Variants in PDE1C observed in about 807,000 individuals in gnomAD.
The protein encoded by PDE1C is dual specificity calcium/calmodulin-dependent 3',5'-cyclic nucleotide phosphodiesterase 1C.
PDE1C carries 62 observed loss-of-function variants against 93.1 expected under a neutral mutation model. The ratio of observed to expected loss-of-function variants is 0.67; its 90% CI spans 0.54 to 0.82. The LOEUF is 0.82. Ranked by LOEUF, PDE1C falls within the 40% of genes least tolerant of loss-of-function variation. The pLI, the probability that PDE1C is intolerant of heterozygous loss-of-function variation, is 0.00. For missense variants in PDE1C, 742 were observed against 884.6 expected (o/e 0.84, Z 2.04); for synonymous variants, 325 against 310.1 (o/e 1.05, Z -0.50).
chr7:31,775,755 A>G (rs1406889476), intron 16 of PDE1C, 23 bp from the exon 17 acceptor site: 11 of 1,602,180 alleles, frequency 6.9e-6, no homozygotes, highest in Non-Finnish European at 9.4e-6. Context: ...AAAAGAGGAT[A>G]AGGAAAAGTA....
chr7:31,883,799 G>A (rs118128090), intron 2 of PDE1C, among the ~76,000 whole-genome samples: 2,503 of 152,278 alleles, frequency 0.016, 26 homozygotes, highest in Non-Finnish European at 0.024. Flanking sequence ...CACTGAAATC[G>A]GCTCCATCAG....
chr7:32,027,849 A>G (rs1455450263), intron 2 of PDE1C, among the ~76,000 whole-genome samples: 1 of 152,110 alleles, frequency 6.6e-6, no homozygotes, highest in Non-Finnish European at 1.5e-5. Flanking sequence ...CAACAAAAAA[A>G]TCTGATGTAG....
rs538552929 is a variant in PDE1C, at chr7:32,004,264, C to A, written c.128+47290G>T. On this transcript the variant is annotated intron_variant, in intron 2 of 17. Transcript: ENST00000396191. ...GCCCCCAAAAAACCTGAAAAAAAAA[C>A]CAATATAACAAATTAGACTATTTGG... Among the ~76,000 whole-genome samples the A allele has an allele frequency of 5.4e-5, 8 of 148,606 alleles. No individual in the cohort carries two copies. The East Asian group carries it at 7.8e-4, about 15-fold the overall frequency.
chr7:32,222,754 C>A (rs1457674238), intron 1 of PDE1C, among the ~76,000 whole-genome samples: 2 of 152,290 alleles, frequency 1.3e-5, no homozygotes, highest in Middle Eastern at 3.4e-3. Context: ...GAGATCTTCA[C>A]ACAGATGTGC....
At chr7:32,355,710 G>T (rs1784018012) in intron 1 of PDE1C, among the ~76,000 whole-genome samples, 1 of 152,240 alleles carries the variant, frequency 6.6e-6, no homozygotes, top group Non-Finnish European at 1.5e-5. Context: ...CACCTGCCAA[G>T]CTCCCCAGGG....
At chr7:31,638,937 C>T in the PDE1C span, among the ~76,000 whole-genome samples, 8 of 152,054 alleles carry the variant, frequency 5.3e-5, no homozygotes, top group Admixed American at 2.6e-4. Flanking sequence ...CCACCACACC[C>T]GCTAATTTTT....
At chr7:32,065,499 A>G (rs1443398984) in intron 1 of PDE1C, among the ~76,000 whole-genome samples, 1 of 152,172 alleles carries the variant, frequency 6.6e-6, no homozygotes, top group Admixed American at 6.5e-5. Context: ...TCCCCCTGGA[A>G]CTATATTCAT....
chr7:31,711,420 A>C, the PDE1C span, among the ~76,000 whole-genome samples: 1 of 152,208 alleles, frequency 6.6e-6, no homozygotes, highest in Non-Finnish European at 1.5e-5. Context: ...TACCCAGGGA[A>C]GCTGAGATGG....
intron 2 of PDE1C, among the ~76,000 whole-genome samples, chr7:32,176,824 A>G (rs1803023756): frequency 6.6e-6 from 1 of 152,180 alleles, no homozygotes; most frequent in African/African-American, 2.4e-5. Flanking sequence ...ATAAGCAGCC[A>G]TAATGAGGGT....
intron 11 of PDE1C, among the ~76,000 whole-genome samples, chr7:31,830,807 T>C (rs566642368): frequency 6.6e-6 from 1 of 152,192 alleles, no homozygotes; most frequent in South Asian, 2.1e-4. Context: ...GCTGGTTTGA[T>C]GTAGACAAGC....
intron 16 of PDE1C, among the ~76,000 whole-genome samples, chr7:31,794,589 A>T (rs1310464538): frequency 1.3e-5 from 2 of 152,006 alleles, no homozygotes; most frequent in Non-Finnish European, 2.9e-5. Context: ...GCACATTAAC[A>T]CAAAGACAAT....
At chr7:32,010,686 T>G (rs1047956345) in intron 2 of PDE1C, among the ~76,000 whole-genome samples, 1 of 152,142 alleles carries the variant, frequency 6.6e-6, no homozygotes, top group African/African-American at 2.4e-5. Flanking sequence ...AAAATCAAGG[T>G]GTCAGCAAGG....
intron 2 of PDE1C, among the ~76,000 whole-genome samples, chr7:31,924,288 T>C (rs1803052284): frequency 6.6e-6 from 1 of 152,196 alleles, no homozygotes; most frequent in South Asian, 2.1e-4. Context: ...CAATATTTGT[T>C]GACTTAACAA....
At chr7:31,658,270 G>C in the PDE1C span, 13 of 1,502,422 alleles carry the variant, frequency 8.7e-6, no homozygotes, top group Non-Finnish European at 7.9e-6. Context: ...TTCTCTTATA[G>C]GTGAATTATT....
intron 2 of PDE1C, among the ~76,000 whole-genome samples, chr7:32,009,506 A>T (rs1786779439): frequency 1.3e-5 from 2 of 152,150 alleles, no homozygotes; most frequent in South Asian, 4.1e-4. Flanking sequence ...TATAATGGAG[A>T]CCCTGTGGTC....
At chr7:32,339,346 A>T (rs931417253) in intron 1 of PDE1C, among the ~76,000 whole-genome samples, 7 of 152,208 alleles carry the variant, frequency 4.6e-5, no homozygotes, top group Non-Finnish European at 7.3e-5. Flanking sequence ...GTTACCAGGG[A>T]CAGGGAGACA....
chr7:32,203,478 G>A, intron 2 of PDE1C, among the ~76,000 whole-genome samples: 1 of 152,028 alleles, frequency 6.6e-6, no homozygotes, highest in African/African-American at 2.4e-5. Flanking sequence ...TCTCTGCAGA[G>A]GGAAGGTGAT....
At chr7:31,916,597 C>G (rs1255559541) in intron 2 of PDE1C, among the ~76,000 whole-genome samples, 1 of 152,168 alleles carries the variant, frequency 6.6e-6, no homozygotes, top group African/African-American at 2.4e-5. Flanking sequence ...TGGGCAAGGA[C>G]AGGTTACGGG....
intron 1 of PDE1C, among the ~76,000 whole-genome samples, chr7:32,422,477 T>TC (rs1210935813): frequency 1.3e-5 from 2 of 150,064 alleles, no homozygotes; most frequent in Admixed American, 6.7e-5. Context: ...TTCAACCCTT[T>TC]CCCCCCCACC....
Sources: gnomAD v4.1 joint callset for allele counts (sites outside exome capture counted in the v4.1 genomes callset) on GRCh38, gnomAD v4.1.1 for gene constraint, MANE v1.5 for transcripts, NCBI Gene and HGNC (gene_info 2026-07-23, HGNC 2026-07-21) for gene names.